CYGB: variants seen among roughly 807,000 people sequenced by gnomAD.
The protein encoded by CYGB is histoglobin.
A neutral mutation model predicts 20.7 loss-of-function variants in CYGB; 13 were observed. The observed-to-expected ratio is 0.63, with a 90% CI of 0.41 to 1.00. CYGB has a LOEUF of 1.00. Ranked by LOEUF, CYGB falls within the 50% of genes least tolerant of loss-of-function variation. The pLI is 0.00. For synonymous variants in CYGB, 93 were observed against 107.4 expected, an observed-to-expected ratio of 0.87 and a Z score of 0.83; for missense variants, 218 against 257.2, an observed-to-expected ratio of 0.85 and a Z score of 1.04.
chr17:76,541,980 C>T (rs1428925285), upstream of CYGB, among the ~76,000 whole-genome samples: 1 of 152,154 alleles, frequency 6.6e-6, no homozygotes. Context: ...CTTTAGTTTT[C>T]TCCAGAGGTT....
chr17:76,542,235 T>C (rs1598213265), upstream of CYGB, among the ~76,000 whole-genome samples: 1 of 152,140 alleles, frequency 6.6e-6, no homozygotes, highest in East Asian at 1.9e-4. Context: ...CTGAGGACCA[T>C]CTGGCCAGGC....
Position 76,531,555 on chromosome 17 carries a change from C to G in CYGB, c.280G>C (p.Glu94Gln). ...RVMGALNTVV[E>Q]NLHDPDKVSS... ...ACCTTGTCGGGGTCATGCAGGTTCT[C>G]CACGACAGTGTTGAGGGCCCCCATG... is the stretch of plus-strand genomic sequence containing the variant. The change falls in exon 2 of 4, where the codon GAG (glutamate) becomes CAG (glutamine). Residue 94 changes from glutamate (E) to glutamine (Q), a missense_variant. Coordinates refer to ENST00000293230, the MANE Select transcript of CYGB (RefSeq NM_134268.5). The surrounding 1 kb of genome is among the most constrained non-coding windows in gnomAD (Gnocchi z 7.4). The G allele has an allele frequency of 6.2e-7, 1 of 1,614,154 alleles. No homozygotes were observed. Among genetic ancestry groups the G allele is most frequent in the East Asian group, 2.2e-5 (1 of 44,892 alleles).
upstream of CYGB, among the ~76,000 whole-genome samples, chr17:76,540,833 G>A (rs2074983569): frequency 6.6e-6 from 1 of 152,192 alleles, no homozygotes; most frequent in Admixed American, 6.5e-5. This position sits in a 1 kb window ranked among gnomAD's most constrained non-coding sequence, Gnocchi z 5.0. Flanking sequence ...CGGTCCCCCG[G>A]GGCACCTTCT....
upstream of CYGB, chr17:76,538,189 G>C (rs1343921660): frequency 1.9e-5 from 3 of 157,310 alleles, no homozygotes; most frequent in Non-Finnish European, 4.2e-5. Flanking sequence ...CCGTGGGGGC[G>C]AACAGGAGCC....
At chr17:76,544,815 C>T in intron 1 of CYGB, 1 of 456,820 alleles carries the variant, frequency 2.2e-6, no homozygotes, top group Non-Finnish European at 4.4e-6. Context: ...CATCTCCTTC[C>T]ACTGGTCTGA....
upstream of CYGB, among the ~76,000 whole-genome samples, chr17:76,539,240 G>A (rs2074958558): frequency 6.6e-6 from 1 of 152,220 alleles, no homozygotes; most frequent in Non-Finnish European, 1.5e-5. Flanking sequence ...CAAAGTTGGT[G>A]TGACCAAGTG....
At chr17:76,535,433 C>G (rs2074903902) in intron 1 of CYGB, among the ~76,000 whole-genome samples, 1 of 152,188 alleles carries the variant, frequency 6.6e-6, no homozygotes, top group Non-Finnish European at 1.5e-5. Flanking sequence ...TTCCCCTTCC[C>G]CCACTGACCA....
chr17:76,528,564 T>G lies in CYGB; in HGVS notation c.*14A>C, dbSNP rs775552141. On this transcript the variant is annotated 3_prime_UTR_variant, in exon 4 of 4. Transcript: ENST00000293230. The surrounding 1 kb of genome is among the most constrained non-coding windows in gnomAD (Gnocchi z 5.8). ...CTCGAGGTGCTGCCAGGGAGGGGGGTGGAGTTAGGGGTCCTACGGCCCCGA... is the reference window on the plus strand; with the variant it reads ...CTCGAGGTGCTGCCAGGGAGGGGGGGGGAGTTAGGGGTCCTACGGCCCCGA... The G allele has an allele frequency of 4.9e-5, 62 of 1,260,722 alleles. No homozygotes were observed. The highest frequency in any genetic ancestry group is 1.9e-4 in the African/African-American group (12 of 61,780). The allele number at this position is 1,260,722 out of a possible 1,614,324, so 78.1% of individuals were successfully genotyped here. A position where few individuals can be genotyped will look rare whatever the true frequency, so the allele number is the denominator to read the frequency against.
chr17:76,540,548 G>T (rs778503433), upstream of CYGB: 4 of 1,613,478 alleles, frequency 2.5e-6, no homozygotes, highest in Non-Finnish European at 3.4e-6. This position sits in a 1 kb window ranked among gnomAD's most constrained non-coding sequence, Gnocchi z 5.0. Flanking sequence ...CAGCAGCTTG[G>T]ATGCGGACCC....
chr17:76,543,233 C>G (rs540427257), intron 1 of CYGB: 1 of 376,350 alleles, frequency 2.7e-6, no homozygotes, highest in African/African-American at 2.1e-5. Flanking sequence ...CAGACGTGCT[C>G]GCTGCTCTCG....
chr17:76,529,445 C>T, intron 3 of CYGB: 5 of 985,396 alleles, frequency 5.1e-6, no homozygotes, highest in Non-Finnish European at 6.0e-6. Context: ...GTCCCTAGGG[C>T]AGGGTGGGGA....
chr17:76,548,006 A>T (rs1359326355), intron 1 of CYGB, among the ~76,000 whole-genome samples: 1 of 152,096 alleles, frequency 6.6e-6, no homozygotes, highest in East Asian at 1.9e-4. Context: ...ACACACATTC[A>T]CACATACACA....
At chr17:76,544,330 T>C (rs890647172) in intron 1 of CYGB, 1 of 454,304 alleles carries the variant, frequency 2.2e-6, no homozygotes, top group Non-Finnish European at 4.4e-6. Context: ...ACAGCAGCAC[T>C]TCAGCCGCCA....
rs1474689859 is a variant in CYGB, at chr17:76,527,655, G to A, written c.*923C>T. On this transcript the variant is annotated 3_prime_UTR_variant, in exon 4 of 4. Transcript: ENST00000293230. ...AAGCCCTCGGCCCTCGGAGCTGAGGGTGAGACCCAGGCATGTGGTCCCGCC... is the reference window on the plus strand; with the variant it reads ...AAGCCCTCGGCCCTCGGAGCTGAGGATGAGACCCAGGCATGTGGTCCCGCC... The A allele has an allele frequency of 6.6e-6, 3 of 453,956 alleles. No homozygotes were observed. The highest frequency in any genetic ancestry group is 1.3e-5 in the Non-Finnish European group (3 of 226,692). 28.1% of individuals were successfully genotyped at this position (453,956 alleles called of 1,614,324 possible).
chr17:76,540,252 GGGGGGGGGGGGCAT>G, upstream of CYGB: 1 of 925,448 alleles, frequency 1.1e-6, no homozygotes, highest in Non-Finnish European at 1.6e-6. This position sits in a 1 kb window ranked among gnomAD's most constrained non-coding sequence, Gnocchi z 5.0. Context: ...GCGGTTGGTC[GGGGGGGGGGGGCAT>G]GGGGCTGGGC....
rs1279616888 is a variant in CYGB, at chr17:76,550,265, C to CT, written c.-53+596dup. 3.9e-3 allele frequency: 517 copies of CT among 130,960 alleles called. 4 individuals are homozygous for CT. Among genetic ancestry groups the CT allele is most frequent in the African/African-American group, 0.011 (377 of 35,296 alleles). 8.1% of individuals were successfully genotyped at this position (130,960 alleles called of 1,614,324 possible). A position where few individuals can be genotyped will look rare whatever the true frequency, so the allele number is the denominator to read the frequency against. ...GCCACCGTGCCCAGCCTAGAAGGTT[C>CT]TTTTTTTTTTTTTGAGATGGAGTTT... On this transcript the variant is annotated intron_variant, in intron 1 of 3. Coordinates refer to the CYGB transcript ENST00000589145.
chr17:76,539,331 A>AGG (rs2074959462), upstream of CYGB, among the ~76,000 whole-genome samples: 2 of 152,234 alleles, frequency 1.3e-5, no homozygotes, highest in Non-Finnish European at 2.9e-5. Flanking sequence ...CATCCTTTGC[A>AGG]AATGTAATAT....
intron 1 of CYGB, among the ~76,000 whole-genome samples, chr17:76,532,216 G>A (rs1352492380): frequency 4.6e-5 from 7 of 152,114 alleles, no homozygotes; most frequent in Non-Finnish European, 7.3e-5. Context: ...TCCCCCACCC[G>A]CTTCTTCAAA....
rs1378377136 is a variant in CYGB at position 76,527,844 on chromosome 17, T to C, written c.*734A>G. 1 of 453,180 alleles carries C rather than the reference T, an allele frequency of 2.2e-6. No individual in the cohort carries two copies. Among genetic ancestry groups the C allele is most frequent in the Non-Finnish European group, 4.4e-6 (1 of 226,090 alleles). The allele number at this position is 453,180 out of a possible 1,614,324, so 28.1% of individuals were successfully genotyped here. A position where few individuals can be genotyped will look rare whatever the true frequency, so the allele number is the denominator to read the frequency against. ...ATTCTAGGACAGCCGGTGAGTCAGT[T>C]CCTCTGAGGGAGTAGGGGGAGCCCA... is the stretch of plus-strand genomic sequence containing the variant. On this transcript the variant is annotated 3_prime_UTR_variant, in exon 4 of 4. Transcript: ENST00000293230.
Sources: allele counts gnomAD v4.1 joint callset (sites outside exome capture counted in the v4.1 genomes callset), GRCh38; gene constraint gnomAD v4.1.1; non-coding constraint Gnocchi (gnomAD v3.1); transcripts MANE v1.5; gene names NCBI Gene and HGNC (gene_info 2026-07-23, HGNC 2026-07-21).